The following SLC16A2 variants were observed in gnomAD, a reference collection of about 807,000 sequenced individuals.
SLC16A2 encodes monocarboxylate transporter 8.
SLC16A2 carries 3 observed loss-of-function variants against 27.2 expected under a neutral mutation model. The observed-to-expected ratio is 0.11, with a 90% CI of 0.05 to 0.28. SLC16A2 has a LOEUF of 0.28. Among genes scored for constraint, SLC16A2 ranks in the 10% least tolerant of loss-of-function variants. The probability of loss-of-function intolerance (pLI) is 1.00; values close to 1 mark genes in which losing one functional copy is unlikely to be tolerated. For synonymous variants in SLC16A2, 202 were observed against 187.8 expected, an observed-to-expected ratio of 1.08 and a Z score of -0.62; for missense variants, 295 against 458.5, an observed-to-expected ratio of 0.64 and a Z score of 3.26.
At chrX:74,479,557 G>A (rs772093617) in intron 1 of SLC16A2, among the ~76,000 whole-genome samples, 13 of 112,113 alleles carry the variant, frequency 1.2e-4, no homozygotes, top group East Asian at 5.6e-4. Context: ...GAAGAGAGGC[G>A]CTCTGATTTT....
intron 1 of SLC16A2, among the ~76,000 whole-genome samples, chrX:74,444,891 T>C (rs949302768): frequency 8.0e-5 from 9 of 112,002 alleles, no homozygotes; most frequent in Middle Eastern, 4.2e-3. Context: ...GCTTCTGTAA[T>C]GTCTATGTCC....
chrX:74,493,857 G>A (rs762104447), intron 1 of SLC16A2, among the ~76,000 whole-genome samples: 6 of 111,551 alleles, frequency 5.4e-5, no homozygotes, highest in Admixed American at 9.5e-5. Context: ...CACGGAAAGT[G>A]GGGGTTGTGA....
intron 3 of SLC16A2, among the ~76,000 whole-genome samples, chrX:74,525,249 A>C (rs980922949): frequency 8.9e-6 from 1 of 112,139 alleles, no homozygotes; most frequent in Admixed American, 9.4e-5. Flanking sequence ...ATTGTAGGAA[A>C]GAAACCCATT....
chrX:74,514,408 G>C (rs1043263696), intron 1 of SLC16A2, among the ~76,000 whole-genome samples: 4 of 111,271 alleles, frequency 3.6e-5, no homozygotes, highest in African/African-American at 1.3e-4. Context: ...TGCCAACAAA[G>C]GCCTACTGGG....
chrX:74,526,941 A>G (rs1473295679), intron 4 of SLC16A2, among the ~76,000 whole-genome samples: 1 of 112,727 alleles, frequency 8.9e-6, no homozygotes, highest in Non-Finnish European at 1.9e-5. Flanking sequence ...CCCTGCCAGT[A>G]TTAGCAGCTC....
At chrX:74,422,780 G>C (rs1233533947) in intron 1 of SLC16A2, among the ~76,000 whole-genome samples, 1 of 112,538 alleles carries the variant, frequency 8.9e-6, no homozygotes, top group East Asian at 2.8e-4. Context: ...GCCCCAGAGC[G>C]GGCGGGGAGG....
intron 1 of SLC16A2, among the ~76,000 whole-genome samples, chrX:74,511,473 A>G (rs974496209): frequency 2.7e-5 from 3 of 111,854 alleles, no homozygotes; most frequent in Non-Finnish European, 5.6e-5. Flanking sequence ...GAGCCACCGC[A>G]CCCGGCCGCG....
At chrX:74,432,686 A>T (rs1301365196) in intron 1 of SLC16A2, among the ~76,000 whole-genome samples, 1 of 111,785 alleles carries the variant, frequency 8.9e-6, no homozygotes, top group African/African-American at 3.3e-5. Context: ...ACCTGGAAAG[A>T]TGTGACTTTA....
intron 1 of SLC16A2, among the ~76,000 whole-genome samples, chrX:74,426,660 A>G (rs1286386445): frequency 5.3e-5 from 6 of 112,482 alleles, no homozygotes; most frequent in Non-Finnish European, 1.1e-4. Flanking sequence ...TTATCTATCT[A>G]TAAAATGAGA....
chrX:74,441,486 G>A (rs770736596), intron 1 of SLC16A2, among the ~76,000 whole-genome samples: 2 of 112,193 alleles, frequency 1.8e-5, no homozygotes, highest in Admixed American at 9.4e-5. Flanking sequence ...TTTATTTAAG[G>A]TTTCTGCAAA....
At chrX:74,469,375 G>C (rs190309888) in intron 1 of SLC16A2, among the ~76,000 whole-genome samples, 1 of 111,696 alleles carries the variant, frequency 9.0e-6, no homozygotes, top group East Asian at 2.8e-4. Context: ...GTGGTAACTT[G>C]ATGTTTAATA....
At chrX:74,452,552 T>A (rs970184036) in intron 1 of SLC16A2, among the ~76,000 whole-genome samples, 4 of 111,715 alleles carry the variant, frequency 3.6e-5, no homozygotes, top group Non-Finnish European at 5.6e-5. Flanking sequence ...GGATAATTAG[T>A]TTTGTGAAAT....
Position 74,447,422 on chromosome X carries a change from C to T in SLC16A2, c.430+25355C>T, listed in dbSNP as rs1210105192. 5.4e-5 allele frequency among the ~76,000 whole-genome samples: 6 copies of T among 111,272 alleles called. No individual in the cohort carries two copies. In the East Asian group the frequency reaches 1.7e-3, roughly 32 times the overall value. On this transcript the variant is annotated intron_variant, in intron 1 of 5. Coordinates refer to ENST00000587091, the MANE Select transcript of SLC16A2 (RefSeq NM_006517.5). ...GTGTAGTGGTTCATACCCGTAATCC[C>T]AACACTTTGGGAGGCTGAGGTGGGA...
chrX:74,454,005 G>C (rs184937536), intron 1 of SLC16A2, among the ~76,000 whole-genome samples: 72 of 111,576 alleles, frequency 6.5e-4, no homozygotes, highest in African/African-American at 2.2e-3. Flanking sequence ...TCCTGTTGGG[G>C]ACAGACCATT....
chrX:74,438,005 G>A (rs902413808), intron 1 of SLC16A2, among the ~76,000 whole-genome samples: 1 of 112,141 alleles, frequency 8.9e-6, no homozygotes, highest in African/African-American at 3.2e-5. Context: ...ACTAACATTT[G>A]CCTTGAGGCT....
At chrX:74,494,275 C>T (rs1338561477) in intron 1 of SLC16A2, among the ~76,000 whole-genome samples, 2 of 111,883 alleles carry the variant, frequency 1.8e-5, no homozygotes, top group African/African-American at 3.2e-5. Flanking sequence ...TAAAGCATGT[C>T]GTTATGGAAA....
chrX:74,437,164 G>A (rs1297250916), intron 1 of SLC16A2, among the ~76,000 whole-genome samples: 1 of 112,426 alleles, frequency 8.9e-6, no homozygotes, highest in Non-Finnish European at 1.9e-5. Flanking sequence ...CTCCTTGCCG[G>A]TTGGGACCTC....
intron 1 of SLC16A2, among the ~76,000 whole-genome samples, chrX:74,516,307 C>T (rs968731372): frequency 8.9e-6 from 1 of 112,052 alleles, no homozygotes; most frequent in Non-Finnish European, 1.9e-5. Flanking sequence ...CCCACGTTGG[C>T]CTCCCAAAGT....
intron 2 of SLC16A2, among the ~76,000 whole-genome samples, chrX:74,523,458 C>A (rs1002155735): frequency 8.9e-6 from 1 of 112,089 alleles, no homozygotes; most frequent in Non-Finnish European, 1.9e-5. Flanking sequence ...AAACAAAATT[C>A]TTTACTAGGT....
Sources: gnomAD v4.1 joint callset for allele counts (sites outside exome capture counted in the v4.1 genomes callset) on GRCh38, gnomAD v4.1.1 for gene constraint, MANE v1.5 for transcripts, NCBI Gene and HGNC (gene_info 2026-07-23, HGNC 2026-07-21) for gene names.